CNIH3: variants seen among roughly 807,000 people sequenced by gnomAD.
CNIH3 encodes the protein cornichon family AMPA receptor auxiliary protein 3.
CNIH3 carries 14 observed loss-of-function variants against 24.1 expected under a neutral mutation model. The observed-to-expected ratio is 0.58, with a 90% CI of 0.38 to 0.91. The LOEUF (loss-of-function observed/expected upper bound fraction) is 0.91, where lower values mean the gene tolerates loss of function less well. CNIH3 is among the 40% of genes least tolerant of loss of function. CNIH3 has a pLI of 0.00. For missense variants in CNIH3, 178 were observed against 196.8 expected, an observed-to-expected ratio of 0.90 and a Z score of 0.57; for synonymous variants, 68 against 73.8, an observed-to-expected ratio of 0.92 and a Z score of 0.40.
chr1:224,519,323 G>A (rs1256472594), intron 1 of CNIH3, among the ~76,000 whole-genome samples: 1 of 152,126 alleles, frequency 6.6e-6, no homozygotes, highest in Non-Finnish European at 1.5e-5. Flanking sequence ...TTGAGCTGGG[G>A]CATCAATCTA....
intron 1 of CNIH3, among the ~76,000 whole-genome samples, chr1:224,449,680 T>G (rs999429634): frequency 1.3e-5 from 2 of 152,148 alleles, no homozygotes; most frequent in Admixed American, 6.5e-5. Flanking sequence ...TTATAAAGCA[T>G]GAAACCATTA....
intron 1 of CNIH3, among the ~76,000 whole-genome samples, chr1:224,494,597 G>A (rs982120276): frequency 6.6e-6 from 1 of 152,114 alleles, no homozygotes; most frequent in African/African-American, 2.4e-5. Flanking sequence ...CCAGCTTGAT[G>A]GTACTAAATA....
At chr1:224,596,230 A>T (rs1681976328) in intron 3 of CNIH3, among the ~76,000 whole-genome samples, 1 of 152,230 alleles carries the variant, frequency 6.6e-6, no homozygotes, top group Non-Finnish European at 1.5e-5. Flanking sequence ...GTTGAAGCCA[A>T]TGCTCATTTA....
chr1:224,644,044 A>G (rs757564310), intron 1 of CNIH3, among the ~76,000 whole-genome samples: 7 of 152,040 alleles, frequency 4.6e-5, no homozygotes, highest in Non-Finnish European at 8.8e-5. Context: ...GACCTTGGGG[A>G]CCTCTTAGAC....
intron 1 of CNIH3, among the ~76,000 whole-genome samples, chr1:224,676,148 A>G (rs1031098334): frequency 8.5e-5 from 13 of 152,260 alleles, no homozygotes; most frequent in African/African-American, 2.4e-4. Context: ...ATGGAATACT[A>G]CTTGGCAGTA....
intron 1 of CNIH3, among the ~76,000 whole-genome samples, chr1:224,662,214 G>T (rs1685395891): frequency 6.6e-6 from 1 of 152,008 alleles, no homozygotes; most frequent in South Asian, 2.1e-4. Context: ...TACATAAAAA[G>T]TTCACTTATA....
At chr1:224,447,797 G>A (rs1233773750) in intron 1 of CNIH3, among the ~76,000 whole-genome samples, 1 of 152,262 alleles carries the variant, frequency 6.6e-6, no homozygotes, top group East Asian at 1.9e-4. Context: ...TCTGCTTTAG[G>A]CACTATTCTA....
At chr1:224,525,759 A>G (rs1678820953) in intron 2 of CNIH3, among the ~76,000 whole-genome samples, 1 of 152,268 alleles carries the variant, frequency 6.6e-6, no homozygotes, top group East Asian at 1.9e-4. Context: ...GGAAGGATGG[A>G]ATCCTGGGAG....
chr1:224,501,727 C>T (rs982796001), intron 1 of CNIH3, among the ~76,000 whole-genome samples: 19 of 151,792 alleles, frequency 1.3e-4, no homozygotes, highest in South Asian at 4.2e-4. Context: ...ATTACAGGTG[C>T]GTGCCACCAC....
At chr1:224,514,739 C>T (rs1678309726), upstream of CNIH3, among the ~76,000 whole-genome samples, 1 of 152,108 alleles carries the variant, frequency 6.6e-6, no homozygotes, top group Admixed American at 6.5e-5. Context: ...GGTGTGGTGG[C>T]AGGATCACCT....
At chr1:224,499,901 C>CAA (rs58546932) in intron 1 of CNIH3, among the ~76,000 whole-genome samples, 10,653 of 120,700 alleles carry the variant, frequency 0.088, 1,244 homozygotes, top group African/African-American at 0.28. Context: ...CTATCTCTAC[C>CAA]AAAAAAAAAA....
At chr1:224,722,633 G>A (rs1202432609) in intron 3 of CNIH3, among the ~76,000 whole-genome samples, 1 of 152,172 alleles carries the variant, frequency 6.6e-6, no homozygotes, top group African/African-American at 2.4e-5. Context: ...GGGACTCTTA[G>A]GCCCCACTCA....
intron 1 of CNIH3, among the ~76,000 whole-genome samples, chr1:224,663,581 A>G (rs1229389164): frequency 1.3e-5 from 2 of 152,186 alleles, no homozygotes; most frequent in African/African-American, 2.4e-5. Context: ...TATACACACA[A>G]ACAATCACTA....
At chr1:224,517,703 C>T (rs1186422595) in intron 1 of CNIH3, among the ~76,000 whole-genome samples, 2 of 152,112 alleles carry the variant, frequency 1.3e-5, no homozygotes, top group Non-Finnish European at 2.9e-5. Context: ...GCTTAACTCC[C>T]ACCTGTGAGT....
intron 3 of CNIH3, among the ~76,000 whole-genome samples, chr1:224,597,032 A>G (rs1030772594): frequency 7.9e-5 from 12 of 152,098 alleles, no homozygotes; most frequent in Non-Finnish European, 1.3e-4. Flanking sequence ...CATGCCTGTA[A>G]TCCCAGCTAC....
intron 3 of CNIH3, among the ~76,000 whole-genome samples, chr1:224,555,297 A>G (rs561884735): frequency 6.6e-6 from 1 of 152,314 alleles, no homozygotes; most frequent in Non-Finnish European, 1.5e-5. Context: ...TGTAAATGTA[A>G]TGAAGATTTA....
downstream of CNIH3, among the ~76,000 whole-genome samples, chr1:224,592,025 T>C (rs952155125): frequency 1.3e-5 from 2 of 152,190 alleles, no homozygotes; most frequent in African/African-American, 4.8e-5. Context: ...GGTTGGGTCA[T>C]AATGACATCT....
At chr1:224,624,924 C>T (rs908428430) in intron 1 of CNIH3, among the ~76,000 whole-genome samples, 3 of 152,172 alleles carry the variant, frequency 2.0e-5, no homozygotes, top group African/African-American at 7.2e-5. Flanking sequence ...ATTCTTCACC[C>T]GACTGGCTCT....
At chr1:224,516,312 C>CAAAAAAA (rs71574505) in intron 1 of CNIH3, among the ~76,000 whole-genome samples, 2 of 67,750 alleles carry the variant, frequency 3.0e-5, no homozygotes, top group Non-Finnish European at 6.4e-5. Context: ...GACTCTGTCT[C>CAAAAAAA]AAAAAAAAAA....
Sources: allele counts gnomAD v4.1 joint callset (sites outside exome capture counted in the v4.1 genomes callset), GRCh38; gene constraint gnomAD v4.1.1; transcripts MANE v1.5; gene names NCBI Gene and HGNC (gene_info 2026-07-23, HGNC 2026-07-21).